Variants in LINGO2 observed in about 807,000 individuals in gnomAD.
LINGO2 encodes the protein leucine-rich repeat and immunoglobulin-like domain-containing nogo receptor-interacting protein 2.
LINGO2 carries 14 observed loss-of-function variants against 30.6 expected under a neutral mutation model. The ratio of observed to expected loss-of-function variants is 0.46; its 90% CI spans 0.30 to 0.72. The LOEUF (loss-of-function observed/expected upper bound fraction) is 0.72, where lower values mean the gene tolerates loss of function less well. LINGO2 is among the 30% of genes least tolerant of loss of function. The probability of loss-of-function intolerance (pLI) is 0.07; values close to 1 mark genes in which losing one functional copy is unlikely to be tolerated. For synonymous variants in LINGO2, 317 were observed against 288.5 expected (o/e 1.10, Z -1.00); for missense variants, 729 against 751.7 (o/e 0.97, Z 0.35).
At chr9:28,190,527 C>T (rs1321201475) in intron 4 of LINGO2, among the ~76,000 whole-genome samples, 1 of 152,062 alleles carries the variant, frequency 6.6e-6, no homozygotes, top group African/African-American at 2.4e-5. Flanking sequence ...AAAAGAAACC[C>T]CAGAGAGTTC....
the LINGO2 span, among the ~76,000 whole-genome samples, chr9:28,979,340 G>A: frequency 6.6e-6 from 1 of 151,986 alleles, no homozygotes; most frequent in Non-Finnish European, 1.5e-5. Flanking sequence ...ACCATATGGT[G>A]GCTTTCAAAG....
chr9:28,051,485 CAT>C (rs1824669654), intron 4 of LINGO2, among the ~76,000 whole-genome samples: 1 of 151,818 alleles, frequency 6.6e-6, no homozygotes, highest in African/African-American at 2.4e-5. Flanking sequence ...TGGTATTTTG[CAT>C]ATATTTATCC....
At chr9:28,604,246 A>G (rs889059189) in intron 1 of LINGO2, among the ~76,000 whole-genome samples, 5 of 151,972 alleles carry the variant, frequency 3.3e-5, no homozygotes, top group East Asian at 1.9e-4. Context: ...ATAGTAAAAA[A>G]CTAAATGCCC....
the LINGO2 span, among the ~76,000 whole-genome samples, chr9:28,902,006 A>G: frequency 6.6e-6 from 1 of 152,306 alleles, no homozygotes; most frequent in East Asian, 1.9e-4. Context: ...CCCCAGCAAT[A>G]TAGTGAGATA....
the LINGO2 span, among the ~76,000 whole-genome samples, chr9:28,692,120 G>T: frequency 6.6e-6 from 1 of 152,202 alleles, no homozygotes; most frequent in South Asian, 2.1e-4. Context: ...TTTGCACTAT[G>T]ATATTCTCAT....
intron 1 of LINGO2, among the ~76,000 whole-genome samples, chr9:28,486,534 T>C (rs1393128892): frequency 1.3e-5 from 2 of 152,174 alleles, no homozygotes; most frequent in Non-Finnish European, 1.5e-5. Context: ...TACATACATA[T>C]GTTCATGTGC....
the LINGO2 span, among the ~76,000 whole-genome samples, chr9:29,143,674 T>C: frequency 6.6e-6 from 1 of 152,126 alleles, no homozygotes; most frequent in Non-Finnish European, 1.5e-5. Flanking sequence ...ATTAAAGACT[T>C]TGTCAGATGG....
intron 2 of LINGO2, among the ~76,000 whole-genome samples, chr9:28,387,899 G>A (rs934935788): frequency 6.6e-5 from 10 of 152,054 alleles, no homozygotes; most frequent in African/African-American, 1.7e-4. Flanking sequence ...AACAAACTCC[G>A]GACACACCAT....
the LINGO2 span, among the ~76,000 whole-genome samples, chr9:28,751,288 C>CACAA: frequency 1.2e-5 from 1 of 82,020 alleles, no homozygotes; most frequent in African/African-American, 4.0e-5. Flanking sequence ...AAGATCCAGT[C>CACAA]AAAAAAAAAA....
chr9:28,055,813 T>C (rs1824909077), intron 4 of LINGO2, among the ~76,000 whole-genome samples: 1 of 152,164 alleles, frequency 6.6e-6, no homozygotes, highest in Admixed American at 6.6e-5. Flanking sequence ...GATATAGTTT[T>C]ATCTAAAAAA....
intron 1 of LINGO2, among the ~76,000 whole-genome samples, chr9:28,545,710 A>G (rs1481125385): frequency 6.6e-6 from 1 of 152,010 alleles, no homozygotes; most frequent in Non-Finnish European, 1.5e-5. Context: ...TTTGTATTTT[A>G]TTAGAATGAA....
chr9:28,551,993 T>C (rs1023834435), intron 1 of LINGO2, among the ~76,000 whole-genome samples: 2 of 152,110 alleles, frequency 1.3e-5, no homozygotes, highest in African/African-American at 4.8e-5. Flanking sequence ...TTTTTCAGTT[T>C]ATTGTACGAT....
Position 28,373,882 on chromosome 9 carries a change from A to G in LINGO2, c.-278-1014T>C, listed in dbSNP as rs183367874. 5.0e-3 allele frequency among the ~76,000 whole-genome samples: 751 copies of G among 150,408 alleles called. 5 individuals carry two copies. Among genetic ancestry groups the G allele is most frequent in the African/African-American group, 0.018 (723 of 40,842 alleles). The stretch of plus-strand genomic sequence containing the variant: ...GCCACTGCACTCCAGCCTGGGCAAT[A>G]AGAGCAAAACTCCATCTCAAAAAAA... On this transcript the variant is annotated intron_variant, in intron 2 of 5. Transcript: ENST00000379992.
At chr9:29,142,233 A>G in the LINGO2 span, among the ~76,000 whole-genome samples, 13 of 152,030 alleles carry the variant, frequency 8.6e-5, no homozygotes, top group Non-Finnish European at 1.3e-4. Context: ...GAATAAAACT[A>G]AAAATCAATA....
intron 4 of LINGO2, among the ~76,000 whole-genome samples, chr9:28,169,119 T>G (rs79116312): frequency 0.011 from 1,663 of 152,298 alleles, 26 homozygotes; most frequent in African/African-American, 0.038. Flanking sequence ...GACTAAATAT[T>G]TTGTAGAAAA....
chr9:28,419,885 G>A (rs190086309), intron 2 of LINGO2, among the ~76,000 whole-genome samples: 154 of 152,020 alleles, frequency 1.0e-3, no homozygotes, highest in Middle Eastern at 6.8e-3. Context: ...TAATAAGTAA[G>A]GTGGCTGCCA....
At chr9:29,019,074 C>T in the LINGO2 span, among the ~76,000 whole-genome samples, 3 of 152,146 alleles carry the variant, frequency 2.0e-5, no homozygotes, top group Admixed American at 6.6e-5. Flanking sequence ...GTGTATTGTG[C>T]TGTCTTTCTA....
chr9:28,555,899 C>T (rs1001185768), intron 1 of LINGO2, among the ~76,000 whole-genome samples: 2 of 151,272 alleles, frequency 1.3e-5, no homozygotes, highest in East Asian at 1.9e-4. Context: ...ACAAAAACCA[C>T]GATTATCTCA....
At chr9:28,019,319 G>GT (rs3064662) in intron 4 of LINGO2, among the ~76,000 whole-genome samples, 4,596 of 142,058 alleles carry the variant, frequency 0.032, 237 homozygotes, top group African/African-American at 0.11. Context: ...GGGAATATAT[G>GT]TTTTTTTTTT....
Sources: allele counts gnomAD v4.1 joint callset (sites outside exome capture counted in the v4.1 genomes callset), GRCh38; gene constraint gnomAD v4.1.1; transcripts MANE v1.5; gene names NCBI Gene and HGNC (gene_info 2026-07-23, HGNC 2026-07-21).